NYAP2: variants seen among roughly 807,000 people sequenced by gnomAD.
NYAP2 encodes the protein neuronal tyrosine-phosphorylated phosphoinositide-3-kinase adaptor 2.
NYAP2 carries 23 observed loss-of-function variants against 50.4 expected under a neutral mutation model. The observed-to-expected ratio is 0.46, with a 90% CI of 0.33 to 0.65. The LOEUF (loss-of-function observed/expected upper bound fraction) is 0.65. Ranked by LOEUF, NYAP2 falls within the 30% of genes least tolerant of loss-of-function variation. The pLI is 0.02. For synonymous variants in NYAP2, 394 were observed against 365.2 expected, an observed-to-expected ratio of 1.08 and a Z score of -0.90; for missense variants, 885 against 861.0, an observed-to-expected ratio of 1.03 and a Z score of -0.35.
At chr2:225,589,878 A>C (rs1692465986) in intron 5 of NYAP2, among the ~76,000 whole-genome samples, 1 of 152,114 alleles carries the variant, frequency 6.6e-6, no homozygotes, top group Non-Finnish European at 1.5e-5. Context: ...TTTGCAATAG[A>C]GAATGAGAGA....
At chr2:225,499,303 A>G (rs1390497589) in intron 3 of NYAP2, among the ~76,000 whole-genome samples, 1 of 151,994 alleles carries the variant, frequency 6.6e-6, no homozygotes, top group Non-Finnish European at 1.5e-5. Context: ...TTATGCCACT[A>G]GCAAGGAAAA....
At chr2:225,616,810 A>T (rs1225067159) in intron 5 of NYAP2, among the ~76,000 whole-genome samples, 1 of 152,152 alleles carries the variant, frequency 6.6e-6, no homozygotes, top group African/African-American at 2.4e-5. Flanking sequence ...GGGCTGTTTC[A>T]GTCCTAAAAT....
intron 4 of NYAP2, among the ~76,000 whole-genome samples, chr2:225,549,773 G>C (rs1559211699): frequency 1.3e-5 from 2 of 152,072 alleles, no homozygotes; most frequent in Non-Finnish European, 2.9e-5. Context: ...CCTGAGGTCA[G>C]GAGTTCAAAA....
chr2:225,406,928 G>C (rs1456536964), intron 2 of NYAP2, among the ~76,000 whole-genome samples: 1 of 151,866 alleles, frequency 6.6e-6, no homozygotes, highest in Non-Finnish European at 1.5e-5. Flanking sequence ...AAAACTTAAG[G>C]AAAAAAATTA....
chr2:225,398,993 T>C (rs1172235305), upstream of NYAP2, among the ~76,000 whole-genome samples: 1 of 152,074 alleles, frequency 6.6e-6, no homozygotes, highest in Non-Finnish European at 1.5e-5. Context: ...ACTTGTTTAT[T>C]TTTGTGGTCT....
intron 4 of NYAP2, among the ~76,000 whole-genome samples, chr2:225,568,760 G>C (rs1412389414): frequency 1.3e-5 from 2 of 152,148 alleles, no homozygotes; most frequent in African/African-American, 2.4e-5. Flanking sequence ...TATCCAACAG[G>C]GATAAGTTCT....
intron 5 of NYAP2, among the ~76,000 whole-genome samples, chr2:225,601,952 A>T (rs1310248894): frequency 6.6e-6 from 1 of 152,172 alleles, no homozygotes; most frequent in Non-Finnish European, 1.5e-5. Context: ...TTATTGTCAA[A>T]TCCAAATGCA....
chr2:225,680,001 A>G, the NYAP2 span, among the ~76,000 whole-genome samples: 1 of 152,140 alleles, frequency 6.6e-6, no homozygotes, highest in Non-Finnish European at 1.5e-5. Context: ...TGTTACATGA[A>G]CATATAAGAT....
chr2:225,445,571 G>A (rs1420385915), intron 3 of NYAP2, among the ~76,000 whole-genome samples: 1 of 151,730 alleles, frequency 6.6e-6, no homozygotes, highest in Non-Finnish European at 1.5e-5. Flanking sequence ...TGTATATTGG[G>A]AAAACTAAAT....
chr2:225,558,367 A>G (rs566537806), intron 4 of NYAP2, among the ~76,000 whole-genome samples: 1 of 152,134 alleles, frequency 6.6e-6, no homozygotes, highest in African/African-American at 2.4e-5. Context: ...TTTAGGGGAA[A>G]CCCTTTGTCC....
intron 3 of NYAP2, among the ~76,000 whole-genome samples, chr2:225,440,653 A>T (rs1234554994): frequency 2.0e-5 from 3 of 152,218 alleles, no homozygotes; most frequent in African/African-American, 7.2e-5. Flanking sequence ...ATTGAGGTGC[A>T]TTGATATAAA....
At chr2:225,466,311 G>A (rs1246252236) in intron 3 of NYAP2, among the ~76,000 whole-genome samples, 1 of 152,104 alleles carries the variant, frequency 6.6e-6, no homozygotes, top group Non-Finnish European at 1.5e-5. Flanking sequence ...TTCATTTTCT[G>A]TGGGTGTCAT....
intron 6 of NYAP2, among the ~76,000 whole-genome samples, chr2:225,629,991 G>T (rs559273923): frequency 6.6e-6 from 1 of 152,230 alleles, no homozygotes; most frequent in African/African-American, 2.4e-5. Flanking sequence ...AGTAATAATC[G>T]GGAACTTTTG....
chr2:225,695,938 G>A, the NYAP2 span, among the ~76,000 whole-genome samples: 1 of 151,866 alleles, frequency 6.6e-6, no homozygotes, highest in African/African-American at 2.4e-5. Context: ...TTAGGTACAA[G>A]CAAGATATTT....
At chr2:225,592,907 A>G (rs1489166960) in intron 5 of NYAP2, among the ~76,000 whole-genome samples, 1 of 152,208 alleles carries the variant, frequency 6.6e-6, no homozygotes, top group Non-Finnish European at 1.5e-5. Context: ...AGATGTATAA[A>G]ATGCAGAAAC....
chr2:225,571,350 T>C (rs1692069573), intron 4 of NYAP2, among the ~76,000 whole-genome samples: 1 of 152,252 alleles, frequency 6.6e-6, no homozygotes, highest in Non-Finnish European at 1.5e-5. Flanking sequence ...CACATTTCCC[T>C]TCCACACTGC....
chr2:225,694,156 G>A, the NYAP2 span, among the ~76,000 whole-genome samples: 2 of 151,746 alleles, frequency 1.3e-5, no homozygotes, highest in Non-Finnish European at 2.9e-5. Context: ...AAATGCCTTT[G>A]GATTAAAGAT....
downstream of NYAP2, among the ~76,000 whole-genome samples, chr2:225,654,649 A>C (rs1353009719): frequency 1.3e-5 from 2 of 152,198 alleles, no homozygotes; most frequent in African/African-American, 2.4e-5. Flanking sequence ...GTGCCACTGC[A>C]TTCCACCCTG....
chr2:225,552,448 C>T (rs1691694316), intron 4 of NYAP2, among the ~76,000 whole-genome samples: 1 of 152,162 alleles, frequency 6.6e-6, no homozygotes, highest in Non-Finnish European at 1.5e-5. Flanking sequence ...TCGTCATCCA[C>T]AATGTGATGA....
Sources: gnomAD v4.1 joint callset for allele counts (sites outside exome capture counted in the v4.1 genomes callset) on GRCh38, gnomAD v4.1.1 for gene constraint, MANE v1.5 for transcripts, NCBI Gene and HGNC (gene_info 2026-07-23, HGNC 2026-07-21) for gene names.